The following PTP4A1 variants were observed in gnomAD, a reference collection of about 807,000 sequenced individuals.
PTP4A1 encodes protein tyrosine phosphatase 4A1, also known as protein tyrosine phosphatase type IVA 1.
Under a neutral mutation model 20.5 loss-of-function variants are expected in PTP4A1, and 9 were observed. The observed-to-expected ratio is 0.44, with a 90% confidence interval of 0.26 to 0.77. The LOEUF (loss-of-function observed/expected upper bound fraction) is 0.77, where lower values mean the gene tolerates loss of function less well. PTP4A1 is among the 30% of genes least tolerant of loss of function. PTP4A1 has a pLI of 0.19. For missense variants in PTP4A1, 137 were observed against 218.8 expected (o/e 0.63, Z 2.36); for synonymous variants, 78 against 67.4 (o/e 1.16, Z -0.77).
At chr6:63,576,304 A>G (rs901382633) in intron 1 of PTP4A1, 132 bp from the exon 2 acceptor site, 42 of 387,448 alleles carry the variant, frequency 1.1e-4, no homozygotes, top group African/African-American at 8.5e-4. Flanking sequence ...CAATTCAAGT[A>G]AAAGTCGATG....
upstream of PTP4A1, chr6:63,571,118 C>T (rs901235688): frequency 2.6e-5 from 4 of 152,120 alleles, no homozygotes; most frequent in Non-Finnish European, 4.4e-5. Context: ...TTCCAAATGA[C>T]GAAGAGTTTT....
chr6:63,545,514 G>A (rs1278839414), intron 2 of PTP4A1, among the ~76,000 whole-genome samples: 4 of 152,124 alleles, frequency 2.6e-5, no homozygotes, highest in African/African-American at 9.7e-5. Context: ...GGGAGGCTGA[G>A]GCAGGAGAAT....
At chr6:63,558,924 A>G (rs780001734) in intron 3 of PTP4A1, among the ~76,000 whole-genome samples, 11 of 152,210 alleles carry the variant, frequency 7.2e-5, no homozygotes, top group Non-Finnish European at 1.2e-4. Context: ...TAATGCTCCT[A>G]AAGTGTCTAT....
intron 2 of PTP4A1, among the ~76,000 whole-genome samples, chr6:63,534,809 A>ATAAAGAATTTCTTTACTAGAGAATTTAG (rs1335099105): frequency 2.5e-4 from 38 of 152,188 alleles, no homozygotes; most frequent in African/African-American, 9.2e-4. Flanking sequence ...AAAGAATTTC[A>ATAAAGAATTTCTTTACTAGAGAATTTAG]TAAAGAATTT....
chr6:63,564,328 T>C (rs1294058737), intron 3 of PTP4A1, among the ~76,000 whole-genome samples: 1 of 151,938 alleles, frequency 6.6e-6, no homozygotes, highest in African/African-American at 2.4e-5. Flanking sequence ...TCATTTTCTC[T>C]TATGTTCAGT....
At chr6:63,564,173 G>A (rs1365035553) in intron 3 of PTP4A1, among the ~76,000 whole-genome samples, 2 of 151,876 alleles carry the variant, frequency 1.3e-5, no homozygotes, top group Admixed American at 6.6e-5. Flanking sequence ...CTGCTTGGGA[G>A]GCTGAGGCAG....
chr6:63,529,191 G>GTATATATATATATGTATATATATGTGTT (rs1775341167), intron 2 of PTP4A1, among the ~76,000 whole-genome samples: 1 of 141,834 alleles, frequency 7.1e-6, no homozygotes, highest in African/African-American at 2.6e-5. Context: ...ATATATGTGT[G>GTATATATATATATGTATATATATGTGTT]TATATATATA....
chr6:63,556,043 CAA>C (rs1455412356), intron 3 of PTP4A1, among the ~76,000 whole-genome samples: 2 of 152,122 alleles, frequency 1.3e-5, no homozygotes, highest in East Asian at 3.9e-4. Context: ...ACAATAAAGA[CAA>C]TAGAAATATT....
At chr6:63,539,409 C>T (rs1169310037) in intron 2 of PTP4A1, among the ~76,000 whole-genome samples, 1 of 152,134 alleles carries the variant, frequency 6.6e-6, no homozygotes, top group African/African-American at 2.4e-5. Flanking sequence ...CATAGGGGTA[C>T]TCACTATCCT....
intron 2 of PTP4A1, among the ~76,000 whole-genome samples, chr6:63,535,927 C>G (rs1775702520): frequency 6.6e-6 from 1 of 152,206 alleles, no homozygotes; most frequent in Non-Finnish European, 1.5e-5. Flanking sequence ...CGTGCGCCAC[C>G]ATGCACAGCT....
chr6:63,545,668 C>T (rs1191618642), intron 2 of PTP4A1, among the ~76,000 whole-genome samples: 1 of 151,862 alleles, frequency 6.6e-6, no homozygotes, highest in Admixed American at 6.6e-5. Context: ...TTTTCCTGCC[C>T]CAGCCCTGGA....
intron 2 of PTP4A1, among the ~76,000 whole-genome samples, chr6:63,531,693 T>C (rs1424986320): frequency 1.3e-5 from 2 of 152,104 alleles, no homozygotes; most frequent in Non-Finnish European, 2.9e-5. Flanking sequence ...GGTTTTACCA[T>C]GTTGCCCAGG....
Position 63,573,605 on chromosome 6 carries a change from T to G in PTP4A1, c.-446+886T>G, listed in dbSNP as rs1432184796. 7.9e-5 allele frequency: 12 copies of G among 152,174 alleles called. 1 individual carries two copies. 9.4% of individuals were successfully genotyped at this position (152,174 alleles called of 1,614,324 possible). A position where few individuals can be genotyped will look rare whatever the true frequency, so the allele number is the denominator to read the frequency against. On this transcript the variant is annotated intron_variant, in intron 1 of 5. Transcript: ENST00000626021. ...CACCCCTGCCCGGGCCAGAGTGGGG[T>G]TCTGCTAGGTGAGAACTTCGGCCGT... is the stretch of plus-strand genomic sequence containing the variant.
chr6:63,542,026 T>C (rs1460883150), intron 2 of PTP4A1, among the ~76,000 whole-genome samples: 1 of 85,608 alleles, frequency 1.2e-5, no homozygotes. Context: ...AACTGTGGTG[T>C]GTGTGTGTGT....
chr6:63,579,167 A>T, intron 4 of PTP4A1, 90 bp from the exon 5 acceptor site: 2 of 1,415,296 alleles, frequency 1.4e-6, no homozygotes, highest in Non-Finnish European at 1.9e-6. Flanking sequence ...GGTGGTAGAT[A>T]ATACTTCTGA....
intron 3 of PTP4A1, among the ~76,000 whole-genome samples, chr6:63,552,768 CCAA>C (rs553919709): frequency 1.3e-5 from 2 of 152,216 alleles, no homozygotes; most frequent in South Asian, 4.1e-4. Context: ...GCCAGTTTTC[CCAA>C]CACCATTTAT....
chr6:63,520,609 T>C (rs1343170257), upstream of PTP4A1, among the ~76,000 whole-genome samples: 13 of 150,220 alleles, frequency 8.7e-5, no homozygotes, highest in Admixed American at 8.7e-4. Context: ...CCAGCCTGGG[T>C]GACAGAGTGA....
upstream of PTP4A1, among the ~76,000 whole-genome samples, chr6:63,568,468 C>T (rs1777280581): frequency 6.6e-6 from 1 of 152,078 alleles, no homozygotes; most frequent in Non-Finnish European, 1.5e-5. Flanking sequence ...TGGCCCAAAA[C>T]AATTCCAATA....
intron 2 of PTP4A1, among the ~76,000 whole-genome samples, chr6:63,547,558 T>G (rs1186205358): frequency 3.0e-5 from 4 of 135,422 alleles, no homozygotes; most frequent in Non-Finnish European, 4.6e-5. Context: ...CAGGCTGGAG[T>G]GCAGTGGTAC....
Sources: gnomAD v4.1 joint callset for allele counts (sites outside exome capture counted in the v4.1 genomes callset) on GRCh38, gnomAD v4.1.1 for gene constraint, MANE v1.5 for transcripts, NCBI Gene and HGNC (gene_info 2026-07-23, HGNC 2026-07-21) for gene names.